The following PUM2 variants were observed in gnomAD, a reference collection of about 807,000 sequenced individuals.
The protein encoded by PUM2 is pumilio homolog 2.
PUM2 carries 57 observed loss-of-function variants against 124.5 expected under a neutral mutation model. That is an observed-to-expected ratio of 0.46 (90% CI 0.37 to 0.57). The LOEUF (loss-of-function observed/expected upper bound fraction) is 0.57. Ranked by LOEUF, PUM2 falls within the 20% of genes least tolerant of loss-of-function variation. PUM2 has a pLI of 0.00. For missense variants in PUM2, 1,065 were observed against 1,290.6 expected (o/e 0.83, Z 2.68); for synonymous variants, 460 against 446.1 (o/e 1.03, Z -0.39).
chr2:20,329,677 G>C (rs926963491), intron 1 of PUM2, among the ~76,000 whole-genome samples: 1 of 152,052 alleles, frequency 6.6e-6, no homozygotes, highest in African/African-American at 2.4e-5. Flanking sequence ...ACTGCTACTA[G>C]GTAAAACGGG....
Position 20,308,027 on chromosome 2 carries a change from T to G in PUM2, c.834A>C (p.Ala278=), listed in dbSNP as rs1359826346. 6.2e-7 allele frequency: 1 copy of G among 1,613,074 alleles called. No individual in the cohort carries two copies. The highest frequency in any genetic ancestry group is 2.2e-5 in the East Asian group (1 of 44,844). Residue 278 remains alanine, a synonymous_variant, in exon 7 of 21, where the codon GCA becomes GCC. Transcript: ENST00000361078. The part of the protein sequence containing the change: ...TNALTVQQLT[A]AQQQQYALAA... ...CTAATGCATATTGCTGCTGTTGAGCTGCAGTTAACTGTTGAACTGTTAGTG... is the reference window on the plus strand; with the variant it reads ...CTAATGCATATTGCTGCTGTTGAGCGGCAGTTAACTGTTGAACTGTTAGTG...
chr2:20,294,435 C>G lies in PUM2; in HGVS notation c.1093G>C (p.Ala365Pro). ...ANLFQQQAAA[A>P]ANNTASQQAA... ...TGCTGACTGGCTGTGTTATTTGCCG[C>G]AGCTGCAGCTTGCTGCTGAAATAAG... The change falls in exon 9 of 21, where the codon GCG (alanine) becomes CCG (proline). Residue 365 changes from alanine (A) to proline (P), a missense_variant. This residue lies in a region of PUM2 where 968 missense variants were observed against 1,159.8 expected (regional missense o/e 0.83). Transcript: ENST00000361078. 6.2e-6 allele frequency: 10 copies of G among 1,614,168 alleles called. No homozygotes were observed. The highest frequency in any genetic ancestry group is 8.5e-6 in the Non-Finnish European group (10 of 1,180,036).
intron 13 of PUM2, among the ~76,000 whole-genome samples, chr2:20,277,336 C>T (rs1482221434): frequency 2.0e-5 from 3 of 152,062 alleles, no homozygotes; most frequent in African/African-American, 7.2e-5. Flanking sequence ...ACTAAGAATA[C>T]ATGATAAATG....
intron 12 of PUM2, among the ~76,000 whole-genome samples, chr2:20,281,980 AAAG>A (rs1671640682): frequency 6.6e-6 from 1 of 152,218 alleles, no homozygotes; most frequent in Non-Finnish European, 1.5e-5. Context: ...CCACACCAGA[AAAG>A]AATATAATTT....
intron 1 of PUM2, chr2:20,331,846 T>C (rs778846893): frequency 6.6e-6 from 1 of 152,206 alleles, no homozygotes; most frequent in Non-Finnish European, 1.5e-5. Context: ...GGATAAATCA[T>C]ACCCCTAGTG....
intron 16 of PUM2, among the ~76,000 whole-genome samples, chr2:20,256,670 ATT>A (rs921893721): frequency 3.5e-4 from 54 of 152,186 alleles, no homozygotes; most frequent in African/African-American, 1.2e-3. Flanking sequence ...ATGGGCTATG[ATT>A]TTTACATATT....
At chr2:20,340,495 A>T (rs1687016211) in intron 1 of PUM2, among the ~76,000 whole-genome samples, 1 of 152,220 alleles carries the variant, frequency 6.6e-6, no homozygotes, top group Non-Finnish European at 1.5e-5. Context: ...CAGGGATGGG[A>T]GCACCCCAAT....
intron 1 of PUM2, among the ~76,000 whole-genome samples, chr2:20,349,541 A>G (rs1042576007): frequency 2.6e-4 from 39 of 151,330 alleles, no homozygotes; most frequent in Middle Eastern, 3.4e-3. Context: ...TATTTACAGG[A>G]TTCCTTAAGT....
intron 14 of PUM2, 142 bp downstream of exon 14, chr2:20,263,048 AAAG>A (rs1454026272): frequency 2.7e-6 from 2 of 740,580 alleles, no homozygotes; most frequent in African/African-American, 3.5e-5. Flanking sequence ...TCCTAACATG[AAAG>A]AAAAAACATA....
intron 15 of PUM2, among the ~76,000 whole-genome samples, chr2:20,260,016 G>A (rs1665787509): frequency 6.6e-6 from 1 of 152,136 alleles, no homozygotes; most frequent in Non-Finnish European, 1.5e-5. Flanking sequence ...AGATTGATCT[G>A]CATTTCCCTG....
At chr2:20,350,314 G>T in intron 1 of PUM2, 1 of 301,148 alleles carries the variant, frequency 3.3e-6, no homozygotes, top group Non-Finnish European at 4.9e-6. Context: ...AGGGAGAACC[G>T]GGTCGGCGCC....
Position 20,289,018 on chromosome 2 carries a change from C to T in PUM2, c.1291+1634G>A, listed in dbSNP as rs190288380. Among the ~76,000 whole-genome samples the T allele has an allele frequency of 4.6e-5, 7 of 152,014 alleles. No homozygotes were observed. In the East Asian group the frequency reaches 7.7e-4, roughly 17 times the overall value. On this transcript the variant is annotated intron_variant, in intron 10 of 20. Coordinates refer to ENST00000361078, the MANE Select transcript of PUM2 (RefSeq NM_015317.5). The stretch of plus-strand genomic sequence containing the variant: ...CTTTAAGACATGTTGTGTGGCTGGG[C>T]GTGGTGGCTCACATCTGTAATCCCA...
chr2:20,341,368 G>C (rs1687197473), intron 1 of PUM2, among the ~76,000 whole-genome samples: 1 of 152,048 alleles, frequency 6.6e-6, no homozygotes, highest in African/African-American at 2.4e-5. Context: ...AAAACAATGA[G>C]CCAGTACAAA....
chr2:20,278,186 T>C (rs774922411), intron 13 of PUM2, among the ~76,000 whole-genome samples: 1 of 152,286 alleles, frequency 6.6e-6, no homozygotes, highest in East Asian at 1.9e-4. Flanking sequence ...CAAAAACCAG[T>C]GTACTAACCT....
chr2:20,261,355 T>C (rs1023366840), intron 14 of PUM2, among the ~76,000 whole-genome samples: 9 of 128,674 alleles, frequency 7.0e-5, no homozygotes, highest in East Asian at 2.1e-4. Flanking sequence ...GATCATGCCA[T>C]TGCACTCCAG....
At chr2:20,289,005 T>C (rs1296368360) in intron 10 of PUM2, among the ~76,000 whole-genome samples, 4 of 152,036 alleles carry the variant, frequency 2.6e-5, no homozygotes, top group African/African-American at 4.8e-5. Flanking sequence ...TTAAGACATG[T>C]TGTGTGGCTG....
chr2:20,328,199 G>A (rs183917682), intron 1 of PUM2, among the ~76,000 whole-genome samples: 11 of 152,288 alleles, frequency 7.2e-5, no homozygotes, highest in East Asian at 5.8e-4. Context: ...AGCTGGGTGC[G>A]GTGGCACGCG....
At chr2:20,255,819 T>C (rs559226935) in intron 17 of PUM2, among the ~76,000 whole-genome samples, 13 of 152,252 alleles carry the variant, frequency 8.5e-5, no homozygotes, top group African/African-American at 2.9e-4. Flanking sequence ...CTTCTTAAAG[T>C]AATGTGATTA....
At chr2:20,283,830 T>C (rs1572702657) in intron 10 of PUM2, among the ~76,000 whole-genome samples, 2 of 151,992 alleles carry the variant, frequency 1.3e-5, no homozygotes, top group African/African-American at 2.4e-5. Context: ...TTAAAAAAAC[T>C]GGGAGTAGCG....
Sources: allele counts gnomAD v4.1 joint callset (sites outside exome capture counted in the v4.1 genomes callset), GRCh38; gene constraint gnomAD v4.1.1; regional missense constraint gnomAD v4.1.1; transcripts MANE v1.5; gene names NCBI Gene and HGNC (gene_info 2026-07-23, HGNC 2026-07-21).